The following LRRC7 variants were observed in gnomAD, a reference collection of about 807,000 sequenced individuals.
LRRC7 encodes leucine-rich repeat-containing protein 7.
A neutral mutation model predicts 175.7 loss-of-function variants in LRRC7; 23 were observed. The observed-to-expected ratio is 0.13, with a 90% CI of 0.09 to 0.19. The LOEUF (loss-of-function observed/expected upper bound fraction) is 0.19, where lower values mean the gene tolerates loss of function less well. Among genes scored for constraint, LRRC7 ranks in the 10% least tolerant of loss-of-function variants. LRRC7 has a pLI of 1.00. For missense variants in LRRC7, 1,354 were observed against 1,904.7 expected (o/e 0.71, Z 5.38); for synonymous variants, 685 against 680.9 (o/e 1.01, Z -0.09).
intron 4 of LRRC7, among the ~76,000 whole-genome samples, chr1:69,823,685 C>G (rs1679566190): frequency 1.3e-5 from 2 of 152,048 alleles, no homozygotes; most frequent in Admixed American, 6.6e-5. Flanking sequence ...ATACCTGAAG[C>G]CAGATAATTT....
In LRRC7 at chr1:70,142,498, T is replaced by TTCTC. The variant is rs1324022907; in HGVS notation, c.*20613_*20616dup. 2.0e-5 allele frequency: 3 copies of TTCTC among 152,154 alleles called. No homozygotes were observed. The highest frequency in any genetic ancestry group is 2.9e-5 in the Non-Finnish European group (2 of 67,986). The allele number at this position is 152,154 out of a possible 1,614,324, so 9.4% of individuals were successfully genotyped here. ...TTTTTGTTTGAAGAGCCAATCAAGT[T>TTCTC]TCTCTTTGTACTCAGTAGGGACTAA... On this transcript the variant is annotated 3_prime_UTR_variant, in exon 27 of 27. Transcript: ENST00000651989.
At chr1:69,774,957 A>G (rs1193741290) in intron 3 of LRRC7, among the ~76,000 whole-genome samples, 1 of 152,174 alleles carries the variant, frequency 6.6e-6, no homozygotes, top group Non-Finnish European at 1.5e-5. Context: ...GAAAGAAACT[A>G]TCTCTGGAAG....
intron 11 of LRRC7, among the ~76,000 whole-genome samples, chr1:70,002,260 C>A (rs551784053): frequency 8.5e-5 from 13 of 152,250 alleles, no homozygotes; most frequent in African/African-American, 3.1e-4. Flanking sequence ...AGTGTCTATG[C>A]AAAGCTAGAT....
At chr1:69,643,450 A>G (rs1158839304) in intron 1 of LRRC7, among the ~76,000 whole-genome samples, 1 of 152,128 alleles carries the variant, frequency 6.6e-6, no homozygotes, top group Non-Finnish European at 1.5e-5. Context: ...GGGCCCAACA[A>G]AACAACTCTT....
chr1:69,906,826 G>A (rs573914542), intron 7 of LRRC7, among the ~76,000 whole-genome samples: 24 of 152,176 alleles, frequency 1.6e-4, no homozygotes, highest in African/African-American at 3.6e-4. Context: ...TGGGGATGGC[G>A]TTGAATCTAT....
At chr1:69,670,066 A>G (rs1658852788) in intron 1 of LRRC7, among the ~76,000 whole-genome samples, 1 of 152,162 alleles carries the variant, frequency 6.6e-6, no homozygotes, top group Admixed American at 6.5e-5. Context: ...CTGTGTCTCC[A>G]AAGTTGGTCT....
intron 23 of LRRC7, among the ~76,000 whole-genome samples, chr1:70,066,710 T>C (rs1223741567): frequency 1.3e-5 from 2 of 152,122 alleles, no homozygotes; most frequent in East Asian, 1.9e-4. Context: ...CCTTTTTGTG[T>C]GAACCTAAGT....
At chr1:69,877,489 C>A (rs1251712037) in intron 7 of LRRC7, among the ~76,000 whole-genome samples, 2 of 151,932 alleles carry the variant, frequency 1.3e-5, no homozygotes, top group Non-Finnish European at 2.9e-5. Context: ...TAAAAAAAAC[C>A]AGTTTTATTG....
intron 2 of LRRC7, among the ~76,000 whole-genome samples, chr1:69,733,298 G>A (rs1667779847): frequency 6.6e-6 from 1 of 151,946 alleles, no homozygotes; most frequent in Admixed American, 6.6e-5. Context: ...ATGCAATTAA[G>A]CTTATAATTG....
intron 2 of LRRC7, among the ~76,000 whole-genome samples, chr1:69,742,200 T>C (rs1245460517): frequency 6.6e-6 from 1 of 152,046 alleles, no homozygotes; most frequent in African/African-American, 2.4e-5. Flanking sequence ...TTGGAGAAGA[T>C]ATGAACAATC....
chr1:70,012,288 T>A (rs1331545932), intron 12 of LRRC7, among the ~76,000 whole-genome samples: 1 of 151,990 alleles, frequency 6.6e-6, no homozygotes, highest in Non-Finnish European at 1.5e-5. Flanking sequence ...AATGTACATA[T>A]GCTTTTTAAG....
chr1:70,025,242 A>T (rs10789305), intron 17 of LRRC7, among the ~76,000 whole-genome samples: 25,016 of 150,218 alleles, frequency 0.17, 3,424 homozygotes, highest in African/African-American at 0.38. Context: ...AATATTTAAT[A>T]ATTAATCATT....
At chr1:69,613,642 GC>G (rs1311601309) in intron 1 of LRRC7, among the ~76,000 whole-genome samples, 1 of 151,940 alleles carries the variant, frequency 6.6e-6, no homozygotes, top group Non-Finnish European at 1.5e-5. Flanking sequence ...TACATTCTCA[GC>G]CCATAGCACA....
chr1:69,998,448 A>G (rs1655221571), intron 11 of LRRC7, among the ~76,000 whole-genome samples: 1 of 152,148 alleles, frequency 6.6e-6, no homozygotes, highest in Admixed American at 6.6e-5. Context: ...CCCTCACTAT[A>G]CAGTGTGTTT....
chr1:69,620,896 A>C (rs1650460851), intron 1 of LRRC7, among the ~76,000 whole-genome samples: 1 of 152,146 alleles, frequency 6.6e-6, no homozygotes, highest in Non-Finnish European at 1.5e-5. Context: ...CTTATGAGGT[A>C]GTTTTGTTAT....
chr1:69,706,044 T>C (rs1164035017), intron 2 of LRRC7, among the ~76,000 whole-genome samples: 1 of 152,168 alleles, frequency 6.6e-6, no homozygotes, highest in Non-Finnish European at 1.5e-5. Flanking sequence ...TTTCGTAATT[T>C]CTTTGCTGCC....
At chr1:69,812,858 A>T (rs1384527919) in intron 4 of LRRC7, among the ~76,000 whole-genome samples, 1 of 152,160 alleles carries the variant, frequency 6.6e-6, no homozygotes, top group East Asian at 1.9e-4. Context: ...GTTAAGAAGT[A>T]TGTTATGTCT....
chr1:69,997,867 G>T (rs545829492), intron 11 of LRRC7, among the ~76,000 whole-genome samples: 13 of 152,272 alleles, frequency 8.5e-5, no homozygotes, highest in African/African-American at 2.6e-4. Context: ...ATTCTCTTTT[G>T]TGGTTGTATC....
chr1:69,836,090 G>A (rs1219137905), intron 6 of LRRC7, among the ~76,000 whole-genome samples: 2 of 151,942 alleles, frequency 1.3e-5, no homozygotes. Flanking sequence ...TCAAATAATA[G>A]ACTAAGTATA....
Sources: gnomAD v4.1 joint callset for allele counts (sites outside exome capture counted in the v4.1 genomes callset) on GRCh38, gnomAD v4.1.1 for gene constraint, MANE v1.5 for transcripts, NCBI Gene and HGNC (gene_info 2026-07-23, HGNC 2026-07-21) for gene names.